Variants in CDH18 observed in about 807,000 individuals in gnomAD.
CDH18 encodes cadherin 18.
CDH18 carries 31 observed loss-of-function variants against 67.9 expected under a neutral mutation model. The observed-to-expected ratio is 0.46, with a 90% CI of 0.34 to 0.62. The LOEUF (loss-of-function observed/expected upper bound fraction) is 0.62, where lower values mean the gene tolerates loss of function less well. Ranked by LOEUF, CDH18 falls within the 20% of genes least tolerant of loss-of-function variation. The pLI is 0.01. For missense variants in CDH18, 890 were observed against 975.5 expected (o/e 0.91, Z 1.17); for synonymous variants, 362 against 347.2 (o/e 1.04, Z -0.48).
chr5:20,060,131 A>T (rs1310791265), intron 2 of CDH18, among the ~76,000 whole-genome samples: 1 of 152,218 alleles, frequency 6.6e-6, no homozygotes, highest in Non-Finnish European at 1.5e-5. Flanking sequence ...TAATAAAAAA[A>T]ACTTATTAGA....
intron 1 of CDH18, among the ~76,000 whole-genome samples, chr5:20,374,943 A>C (rs1743293452): frequency 6.6e-6 from 1 of 152,120 alleles, no homozygotes; most frequent in African/African-American, 2.4e-5. Flanking sequence ...TAACAATATA[A>C]ATGTACTTTT....
At position 19,500,904 on chromosome 5, in the gene CDH18, G is replaced by T. The variant is rs563248722; in HGVS notation, c.1630+2088C>A. Among the ~76,000 whole-genome samples the T allele has an allele frequency of 5.9e-5, 9 of 152,116 alleles. No individual in the cohort carries two copies. In the South Asian group the frequency reaches 1.0e-3, roughly 18 times the overall value. On this transcript the variant is annotated intron_variant, in intron 11 of 12. Coordinates refer to ENST00000382275, the MANE Select transcript of CDH18 (RefSeq NM_004934.5). ...CCAGAGCTTTGGGAGGCTGAGGCAG[G>T]CAGATCACCTGAGGTCAGGAGTTTG...
At chr5:20,369,255 G>C (rs1426127857) in intron 1 of CDH18, among the ~76,000 whole-genome samples, 2 of 151,818 alleles carry the variant, frequency 1.3e-5, no homozygotes, top group Non-Finnish European at 2.9e-5. Flanking sequence ...AATTGTTTTA[G>C]CTGTTATACA....
intron 2 of CDH18, among the ~76,000 whole-genome samples, chr5:20,042,166 A>G (rs1740483941): frequency 6.6e-6 from 1 of 152,194 alleles, no homozygotes; most frequent in Admixed American, 6.5e-5. Context: ...TTAATCATGC[A>G]AGATGAGGAG....
chr5:20,305,467 C>A, intron 1 of CDH18: 1 of 1,368,656 alleles, frequency 7.3e-7, no homozygotes, highest in Admixed American at 1.7e-5. Context: ...ACCTCCTCAG[C>A]GGCCGCCGCT....
At chr5:20,512,398 A>G (rs1266514161) in intron 1 of CDH18, among the ~76,000 whole-genome samples, 1 of 151,906 alleles carries the variant, frequency 6.6e-6, no homozygotes, top group Non-Finnish European at 1.5e-5. Context: ...TTCATGATTG[A>G]GTTTGACATG....
chr5:20,168,805 A>G (rs10473327), intron 2 of CDH18, among the ~76,000 whole-genome samples: 3,748 of 152,320 alleles, frequency 0.025, 166 homozygotes, highest in African/African-American at 0.085. Flanking sequence ...AACACTCTTC[A>G]GCCATATAAA....
intron 1 of CDH18, among the ~76,000 whole-genome samples, chr5:20,501,962 C>T (rs1160545751): frequency 6.6e-6 from 1 of 151,564 alleles, no homozygotes; most frequent in African/African-American, 2.4e-5. Context: ...GAGTTAGATT[C>T]TAAAGTTAAA....
At chr5:19,854,938 A>C (rs1348003764) in intron 2 of CDH18, among the ~76,000 whole-genome samples, 1 of 138,136 alleles carries the variant, frequency 7.2e-6, no homozygotes, top group East Asian at 2.1e-4. Context: ...CCATGAGTTC[A>C]GTTTTGTTTT....
At position 19,584,793 on chromosome 5, in the gene CDH18, C is replaced by CAAAAAA. The variant is rs61297842; in HGVS notation, c.999+6258_999+6263dup. 2.1e-4 allele frequency among the ~76,000 whole-genome samples: 16 copies of CAAAAAA among 75,088 alleles called. 1 individual carries two copies. The highest frequency in any genetic ancestry group is 1.3e-3 in the South Asian group (2 of 1,500). 49.3% of individuals were successfully genotyped at this position (75,088 alleles called of 152,430 possible). On this transcript the variant is annotated intron_variant, in intron 7 of 12. Coordinates refer to ENST00000382275, the MANE Select transcript of CDH18 (RefSeq NM_004934.5). ...TGAGGCCCCGTTTCTACTAAAAATA[C>CAAAAAA]AAAAAAAAAAAAAAAAAAAGAAAAA...
intron 3 of CDH18, among the ~76,000 whole-genome samples, chr5:19,814,165 CTT>C (rs759953863): frequency 6.6e-6 from 1 of 151,386 alleles, no homozygotes; most frequent in Non-Finnish European, 1.5e-5. Flanking sequence ...ACTATTGAGA[CTT>C]TATTTATGTT....
rs1393665989 is a variant in CDH18, at chr5:19,577,294, CCAAT to C, written c.1000-5466_1000-5463del. On this transcript the variant is annotated intron_variant, in intron 7 of 12. Coordinates refer to ENST00000382275, the MANE Select transcript of CDH18 (RefSeq NM_004934.5). ...AAATATTTGAAGTAACAGACATGTA[CCAAT>C]CACATTGTACATCATAAATATATAT... 7.2e-5 allele frequency among the ~76,000 whole-genome samples: 11 copies of C among 152,172 alleles called. No individual in the cohort carries two copies. In the East Asian group the frequency reaches 2.1e-3, roughly 29 times the overall value.
In CDH18 at chr5:20,426,637, G is replaced by A. The variant is rs1027242405; in HGVS notation, c.-580+148825C>T. On this transcript the variant is annotated intron_variant, in intron 1 of 14. Coordinates refer to the CDH18 transcript ENST00000507958. Reference sequence around the variant, plus strand: ...GTCATCCTGAAGGGTAAATTAGCCCGTCAGAGTCCTAGGCACATTCATAGG... The same window carrying A: ...GTCATCCTGAAGGGTAAATTAGCCCATCAGAGTCCTAGGCACATTCATAGG... Among the ~76,000 whole-genome samples, 6 of 151,046 alleles carry A rather than the reference G, an allele frequency of 4.0e-5. No individual in the cohort carries two copies. The South Asian group carries it at 6.2e-4, about 16-fold the overall frequency.
At chr5:20,550,870 A>G (rs760955290) in intron 1 of CDH18, among the ~76,000 whole-genome samples, 4 of 152,168 alleles carry the variant, frequency 2.6e-5, no homozygotes, top group African/African-American at 7.2e-5. Context: ...GAAGCTTCCA[A>G]TCATGGCAGA....
chr5:20,156,182 C>CA (rs1336574449), intron 2 of CDH18, among the ~76,000 whole-genome samples: 10 of 151,888 alleles, frequency 6.6e-5, no homozygotes, highest in Non-Finnish European at 5.9e-5. Context: ...GGAGATTTCT[C>CA]AAAAAACTAA....
chr5:20,554,269 T>C (rs960511106), intron 1 of CDH18, among the ~76,000 whole-genome samples: 2 of 152,180 alleles, frequency 1.3e-5, no homozygotes, highest in Admixed American at 1.3e-4. Flanking sequence ...TAGGCGATGG[T>C]CCAGGTTTGA....
At chr5:20,169,270 T>C (rs1157401190) in intron 2 of CDH18, among the ~76,000 whole-genome samples, 2 of 152,084 alleles carry the variant, frequency 1.3e-5, no homozygotes, top group African/African-American at 4.8e-5. Context: ...ACCTATTATG[T>C]ACCCACCAAT....
intron 2 of CDH18, among the ~76,000 whole-genome samples, chr5:20,222,289 C>A (rs542933826): frequency 4.6e-5 from 7 of 152,242 alleles, no homozygotes; most frequent in African/African-American, 1.4e-4. Flanking sequence ...CAAAGGAAAT[C>A]TAATAGTTAA....
chr5:19,813,006 T>C (rs1475428143), intron 3 of CDH18, among the ~76,000 whole-genome samples: 1 of 152,102 alleles, frequency 6.6e-6, no homozygotes, highest in Non-Finnish European at 1.5e-5. Context: ...TGGATGAAGC[T>C]GGAAACCATC....
Sources: gnomAD v4.1 joint callset for allele counts (sites outside exome capture counted in the v4.1 genomes callset) on GRCh38, gnomAD v4.1.1 for gene constraint, MANE v1.5 for transcripts, NCBI Gene and HGNC (gene_info 2026-07-23, HGNC 2026-07-21) for gene names.